ST6GAL1: variants seen among roughly 807,000 people sequenced by gnomAD.
ST6GAL1 encodes the protein beta-galactoside alpha-2,6-sialyltransferase 1.
A neutral mutation model predicts 38.0 loss-of-function variants in ST6GAL1; 20 were observed. The observed-to-expected ratio is 0.53, with a 90% CI of 0.37 to 0.77. The LOEUF is 0.77. ST6GAL1 is among the 30% of genes least tolerant of loss of function. ST6GAL1 has a pLI of 0.00. For missense variants in ST6GAL1, 432 were observed against 496.4 expected, an observed-to-expected ratio of 0.87 and a Z score of 1.23; for synonymous variants, 196 against 188.2, an observed-to-expected ratio of 1.04 and a Z score of -0.34.
chr3:186,989,730 G>A (rs976235658), intron 2 of ST6GAL1, among the ~76,000 whole-genome samples: 2 of 152,208 alleles, frequency 1.3e-5, no homozygotes, highest in African/African-American at 4.8e-5. Flanking sequence ...TTGAGTTTAT[G>A]TAAGATAATT....
chr3:186,996,600 G>C (rs943001273), intron 2 of ST6GAL1: 1 of 152,150 alleles, frequency 6.6e-6, no homozygotes, highest in Non-Finnish European at 1.5e-5. Context: ...TGGATCATGG[G>C]TGAGCTGGAG....
intron 1 of ST6GAL1, among the ~76,000 whole-genome samples, chr3:186,944,301 G>A (rs1173273793): frequency 6.6e-6 from 1 of 152,196 alleles, no homozygotes. Flanking sequence ...GGAGGAACGT[G>A]GGGTAATGGG....
chr3:187,018,941 A>G (rs1560164478), intron 2 of ST6GAL1, among the ~76,000 whole-genome samples: 1 of 152,216 alleles, frequency 6.6e-6, no homozygotes, highest in Non-Finnish European at 1.5e-5. Context: ...TGGGAGAAGC[A>G]CGTTCACCAC....
At chr3:187,059,864 G>T (rs1477363266) in intron 5 of ST6GAL1, among the ~76,000 whole-genome samples, 1 of 152,180 alleles carries the variant, frequency 6.6e-6, no homozygotes, top group African/African-American at 2.4e-5. Flanking sequence ...TTGCAAAAAA[G>T]AACTAGAGAA....
At chr3:187,012,456 A>G (rs938330472) in intron 2 of ST6GAL1, among the ~76,000 whole-genome samples, 11 of 152,104 alleles carry the variant, frequency 7.2e-5, no homozygotes, top group Admixed American at 1.3e-4. Context: ...CGGGGTTTCA[A>G]TATTGGTCAG....
intron 2 of ST6GAL1, among the ~76,000 whole-genome samples, chr3:186,994,519 G>T (rs1716297581): frequency 6.6e-6 from 1 of 152,058 alleles, no homozygotes; most frequent in African/African-American, 2.4e-5. Context: ...AAAGTGGGGG[G>T]ACTTTTTGTT....
At chr3:186,988,985 C>T (rs1459155288) in intron 2 of ST6GAL1, among the ~76,000 whole-genome samples, 1 of 152,142 alleles carries the variant, frequency 6.6e-6, no homozygotes, top group Non-Finnish European at 1.5e-5. Context: ...CTGATTTCAA[C>T]TAAGTGAGAA....
chr3:187,064,684 G>C (rs1021056582), intron 5 of ST6GAL1: 1 of 453,290 alleles, frequency 2.2e-6, no homozygotes, highest in East Asian at 7.0e-5. Context: ...TTTCGTACTC[G>C]AGTCCTGGCC....
intron 2 of ST6GAL1, among the ~76,000 whole-genome samples, chr3:187,027,440 G>T (rs1235560849): frequency 6.6e-6 from 1 of 152,154 alleles, no homozygotes; most frequent in African/African-American, 2.4e-5. Context: ...CAGAATGATT[G>T]AGACAGAATT....
intron 1 of ST6GAL1, among the ~76,000 whole-genome samples, chr3:186,945,295 G>T (rs1714316704): frequency 6.8e-6 from 1 of 147,942 alleles, no homozygotes; most frequent in Non-Finnish European, 1.5e-5. Flanking sequence ...GAAAGAGCAA[G>T]ACCCTGTCTC....
At chr3:186,954,066 G>A (rs923049965) in intron 1 of ST6GAL1, among the ~76,000 whole-genome samples, 1 of 152,082 alleles carries the variant, frequency 6.6e-6, no homozygotes, top group African/African-American at 2.4e-5. Flanking sequence ...CCACTTATAA[G>A]TGAGAACATA....
Position 187,027,008 on chromosome 3 carries a change from C to G in ST6GAL1, c.-182-11734C>G, listed in dbSNP as rs573604782. ...AGCTTGCAGTGAGCCGAGATCTCAC[C>G]ACTGCACTCCAGCCTGGGCGACAGA... is the stretch of plus-strand genomic sequence containing the variant. On this transcript the variant is annotated intron_variant, in intron 2 of 7. Transcript: ENST00000169298. Among the ~76,000 whole-genome samples, 14 of 151,968 alleles carry G rather than the reference C, an allele frequency of 9.2e-5. No homozygotes were observed. In the East Asian group the frequency reaches 2.5e-3, roughly 27 times the overall value.
At chr3:186,997,312 A>C (rs1716450032) in intron 2 of ST6GAL1, among the ~76,000 whole-genome samples, 1 of 152,166 alleles carries the variant, frequency 6.6e-6, no homozygotes, top group Admixed American at 6.5e-5. Flanking sequence ...ACTCAGAGGG[A>C]TGAAATGACA....
At chr3:187,001,661 G>T (rs1716621218) in intron 2 of ST6GAL1, among the ~76,000 whole-genome samples, 1 of 151,892 alleles carries the variant, frequency 6.6e-6, no homozygotes, top group South Asian at 2.1e-4. Context: ...TATATGTAAT[G>T]AAAAACAAAC....
chr3:186,961,260 G>A (rs1044611629), intron 1 of ST6GAL1, among the ~76,000 whole-genome samples: 3 of 152,168 alleles, frequency 2.0e-5, no homozygotes, highest in African/African-American at 7.2e-5. Flanking sequence ...ACTGGCATGA[G>A]CCACTGCGCC....
chr3:186,942,777 C>A (rs1482890260), intron 1 of ST6GAL1, among the ~76,000 whole-genome samples: 1 of 152,190 alleles, frequency 6.6e-6, no homozygotes, highest in Non-Finnish European at 1.5e-5. Context: ...GTGTCGGTAT[C>A]ATTAGCTCCA....
chr3:187,052,532 G>T (rs1000408847), intron 5 of ST6GAL1, among the ~76,000 whole-genome samples: 1 of 152,140 alleles, frequency 6.6e-6, no homozygotes, highest in Non-Finnish European at 1.5e-5. Context: ...CCACCTGTGA[G>T]TGAGAACATG....
intron 2 of ST6GAL1, among the ~76,000 whole-genome samples, chr3:187,034,208 A>T (rs1174344862): frequency 1.3e-5 from 2 of 152,180 alleles, no homozygotes; most frequent in African/African-American, 2.4e-5. Context: ...TTGAATCAGG[A>T]AGAAATTGAA....
intron 1 of ST6GAL1, among the ~76,000 whole-genome samples, chr3:186,943,046 G>A (rs1714233067): frequency 6.6e-6 from 1 of 152,192 alleles, no homozygotes; most frequent in East Asian, 1.9e-4. Flanking sequence ...AATCCCCATA[G>A]TCTGTTGCTT....
Sources: gnomAD v4.1 joint callset for allele counts (sites outside exome capture counted in the v4.1 genomes callset) on GRCh38, gnomAD v4.1.1 for gene constraint, MANE v1.5 for transcripts, NCBI Gene and HGNC (gene_info 2026-07-23, HGNC 2026-07-21) for gene names.